Variants in RALGAPA2 observed in about 807,000 individuals in gnomAD.
RALGAPA2 encodes Ral GTPase activating protein catalytic subunit alpha 2.
In RALGAPA2, 139 loss-of-function variants were observed where a neutral mutation model predicts 230.4. The observed-to-expected ratio is 0.60, with a 90% CI of 0.53 to 0.69. The LOEUF (loss-of-function observed/expected upper bound fraction) is 0.69. RALGAPA2 is among the 30% of genes least tolerant of loss of function. The pLI is 0.00. For missense variants in RALGAPA2, 2,163 were observed against 2,276.0 expected (o/e 0.95, Z 1.01); for synonymous variants, 847 against 837.8 (o/e 1.01, Z -0.19).
chr20:20,526,334 G>A lies in RALGAPA2; in HGVS notation c.3611C>T (p.Ala1204Val). 6.2e-7 allele frequency: 1 copy of A among 1,603,044 alleles called. No homozygotes were observed. Among genetic ancestry groups the A allele is most frequent in the Non-Finnish European group, 8.5e-7 (1 of 1,176,806 alleles). The change falls in exon 28 of 40, where the codon GCT becomes GTT. Residue 1204 changes from alanine to valine, a missense_variant. Coordinates refer to ENST00000202677, the MANE Select transcript of RALGAPA2 (RefSeq NM_020343.4). ...KFPNKIVAQV[A>V]CDVLQLLVSY... is the part of the protein sequence containing the mutation. ...AACCAGCAACTGAAGGACATCGCAA[G>A]CTACCTGGGCCACGATTTTGTTGGG...
intron 37 of RALGAPA2, among the ~76,000 whole-genome samples, chr20:20,432,319 T>A (rs2060518689): frequency 1.3e-5 from 2 of 152,180 alleles, no homozygotes; most frequent in Non-Finnish European, 2.9e-5. Context: ...GGAGCTGCCT[T>A]GTGTCACAAA....
At chr20:20,676,411 G>T in intron 2 of RALGAPA2, 123 bp from the exon 3 acceptor site, 1 of 616,194 alleles carries the variant, frequency 1.6e-6, no homozygotes, top group Non-Finnish European at 2.8e-6. Context: ...TCAAAAAATA[G>T]CAAGAGGCAG....
intron 30 of RALGAPA2, among the ~76,000 whole-genome samples, chr20:20,522,450 T>C (rs1220661912): frequency 6.6e-6 from 1 of 152,182 alleles, no homozygotes; most frequent in African/African-American, 2.4e-5. Context: ...GCAAAAGATG[T>C]CAGACAAAAG....
intron 38 of RALGAPA2, among the ~76,000 whole-genome samples, chr20:20,404,603 C>G (rs1419924207): frequency 6.6e-6 from 1 of 152,170 alleles, no homozygotes; most frequent in Non-Finnish European, 1.5e-5. Flanking sequence ...GCTTCAGGTT[C>G]TTCTGAAATA....
At chr20:20,585,475 A>G (rs1431821731) in intron 18 of RALGAPA2, among the ~76,000 whole-genome samples, 1 of 152,266 alleles carries the variant, frequency 6.6e-6, no homozygotes, top group Non-Finnish European at 1.5e-5. Flanking sequence ...GGAAATCTGC[A>G]TCCTCTAATA....
chr20:20,571,847 C>T lies in RALGAPA2; in HGVS notation c.3000+1G>A, dbSNP rs1359456983. On this transcript the variant is annotated splice_donor_variant, in intron 22 of 39. Coordinates refer to ENST00000202677, the MANE Select transcript of RALGAPA2 (RefSeq NM_020343.4). LOFTEE classifies it high-confidence loss of function. ...AAAGGAATAAACACATATCCACTTGCCTTAAACAGCCATGATGCAAACATT... is the reference window on the plus strand; with the variant it reads ...AAAGGAATAAACACATATCCACTTGTCTTAAACAGCCATGATGCAAACATT... 1 of 1,602,668 alleles carries T rather than the reference C, an allele frequency of 6.2e-7. No individual in the cohort carries two copies. The highest frequency in any genetic ancestry group is 8.5e-7 in the Non-Finnish European group (1 of 1,171,428).
At chr20:20,476,091 G>T (rs2123426982) in intron 36 of RALGAPA2, among the ~76,000 whole-genome samples, 1 of 152,110 alleles carries the variant, frequency 6.6e-6, no homozygotes, top group Admixed American at 6.5e-5. Context: ...CTAAATAAAT[G>T]GAAAGATGTA....
intron 28 of RALGAPA2, among the ~76,000 whole-genome samples, 183 bp downstream of exon 28, chr20:20,526,069 C>G (rs747161035): frequency 2.0e-5 from 3 of 152,172 alleles, no homozygotes; most frequent in Non-Finnish European, 4.4e-5. Context: ...CTGCTGGCTT[C>G]TTTACATAGT....
intron 1 of RALGAPA2, among the ~76,000 whole-genome samples, chr20:20,690,514 T>C (rs2068863103): frequency 6.6e-6 from 1 of 152,154 alleles, no homozygotes; most frequent in Admixed American, 6.5e-5. Flanking sequence ...TCTCTGACTG[T>C]CACCCCCACA....
intron 4 of RALGAPA2, among the ~76,000 whole-genome samples, chr20:20,649,309 G>A (rs1181194393): frequency 6.6e-6 from 1 of 152,192 alleles, no homozygotes; most frequent in Middle Eastern, 3.2e-3. Flanking sequence ...AGGCTCCCAA[G>A]GAAAAGTTAG....
intron 23 of RALGAPA2, among the ~76,000 whole-genome samples, chr20:20,558,655 C>A (rs1032044792): frequency 2.0e-5 from 3 of 151,778 alleles, no homozygotes; most frequent in Non-Finnish European, 4.4e-5. Flanking sequence ...AGGGGAAATG[C>A]ATTAGAAAGA....
intron 38 of RALGAPA2, among the ~76,000 whole-genome samples, chr20:20,397,961 G>A (rs1481565486): frequency 1.3e-5 from 2 of 152,128 alleles, no homozygotes; most frequent in African/African-American, 4.8e-5. Context: ...GTGCTCTTTG[G>A]GCACAAGAGG....
At chr20:20,559,687 C>T (rs2064196886) in intron 23 of RALGAPA2, among the ~76,000 whole-genome samples, 1 of 151,724 alleles carries the variant, frequency 6.6e-6, no homozygotes, top group South Asian at 2.1e-4. Context: ...TAATGAGATG[C>T]TTTAAGTGTA....
intron 36 of RALGAPA2, among the ~76,000 whole-genome samples, chr20:20,478,853 T>C (rs1032396798): frequency 6.7e-6 from 1 of 150,072 alleles, no homozygotes; most frequent in African/African-American, 2.5e-5. Context: ...TCCTGGAATC[T>C]AAAATAAAAG....
At chr20:20,547,606 G>A (rs1258984204) in intron 23 of RALGAPA2, among the ~76,000 whole-genome samples, 2 of 152,222 alleles carry the variant, frequency 1.3e-5, no homozygotes, top group African/African-American at 4.8e-5. Flanking sequence ...TGCCATCCAT[G>A]GCCAGGCCAC....
Position 20,512,686 on chromosome 20 carries a change from A to G in RALGAPA2, c.4683T>C (p.Ile1561=), listed in dbSNP as rs2145356143. 5 of 1,614,000 alleles carry G rather than the reference A, an allele frequency of 3.1e-6. No homozygotes were observed. In the South Asian group the frequency reaches 4.4e-5, roughly 14 times the overall value. Residue 1561 remains isoleucine (I), a synonymous_variant, in exon 32 of 40, where the codon ATT becomes ATC. Coordinates refer to ENST00000202677, the MANE Select transcript of RALGAPA2 (RefSeq NM_020343.4). ...GAGCATTTTGGCGCAAAATGACCTC[A>G]ATGATTTCCTTCTCTTGGTCATAGT... ...GMNYDQEKEI[I]EVILRQNAQE...
At chr20:20,477,517 G>T (rs2061679314) in intron 36 of RALGAPA2, among the ~76,000 whole-genome samples, 3 of 152,108 alleles carry the variant, frequency 2.0e-5, no homozygotes, top group Admixed American at 1.3e-4. Context: ...TTTACTATGT[G>T]AAAATTATGA....
chr20:20,471,164 C>CTGA (rs1038760166), intron 37 of RALGAPA2: 55 of 152,144 alleles, frequency 3.6e-4, no homozygotes, highest in African/African-American at 1.3e-3. Flanking sequence ...CACATTAGTC[C>CTGA]TGATGTGTCA....
At chr20:20,624,275 C>A (rs2066417917) in intron 10 of RALGAPA2, among the ~76,000 whole-genome samples, 1 of 137,478 alleles carries the variant, frequency 7.3e-6, no homozygotes, top group Admixed American at 8.0e-5. Context: ...TGCAATGAGC[C>A]AAGATCGCAC....
Sources: allele counts gnomAD v4.1 joint callset (sites outside exome capture counted in the v4.1 genomes callset), GRCh38; gene constraint gnomAD v4.1.1; transcripts MANE v1.5; gene names NCBI Gene and HGNC (gene_info 2026-07-23, HGNC 2026-07-21).